The following WNT7A variants were observed in gnomAD, a reference collection of about 807,000 sequenced individuals.
WNT7A encodes the protein protein Wnt-7a.
In WNT7A, 16 loss-of-function variants were observed where a neutral mutation model predicts 28.2. The observed-to-expected ratio is 0.57, with a 90% CI of 0.38 to 0.86. The LOEUF is 0.86. Among genes scored for constraint, WNT7A ranks in the 40% least tolerant of loss-of-function variants. WNT7A has a pLI of 0.00. For synonymous variants in WNT7A, 190 were observed against 195.9 expected (o/e 0.97, Z 0.25); for missense variants, 411 against 489.7 (o/e 0.84, Z 1.52).
At chr3:13,829,678 G>T (rs1694247288) in intron 3 of WNT7A, among the ~76,000 whole-genome samples, 1 of 152,162 alleles carries the variant, frequency 6.6e-6, no homozygotes, top group African/African-American at 2.4e-5. Flanking sequence ...CAACACAGGG[G>T]GATCTCGGAG....
chr3:13,822,332 A>T (rs186738940), intron 3 of WNT7A, among the ~76,000 whole-genome samples: 6 of 152,396 alleles, frequency 3.9e-5, no homozygotes, highest in Admixed American at 3.3e-4. Context: ...TAACTCCCTC[A>T]ACTATTAATG....
chr3:13,878,762 T>G (rs1170121213), intron 1 of WNT7A, among the ~76,000 whole-genome samples: 1 of 152,120 alleles, frequency 6.6e-6, no homozygotes, highest in Admixed American at 6.5e-5. Context: ...GCAGGGTGTG[T>G]GAGACCTACC....
chr3:13,817,606 G>A lies in WNT7A; in HGVS notation c.*1338C>T, dbSNP rs1448468523. The A allele has an allele frequency of 6.6e-6, 1 of 152,356 alleles. No homozygotes were observed. The highest frequency in any genetic ancestry group is 6.5e-5 in the Admixed American group (1 of 15,284). 9.4% of individuals were successfully genotyped at this position (152,356 alleles called of 1,614,324 possible). ...ACCTCTCTCTGCTGCTTGGCCTTGG[G>A]AGCAGGATATCCAGGAAGCCCCGCT... On this transcript the variant is annotated 3_prime_UTR_variant, in exon 4 of 4. Transcript: ENST00000285018.
intron 2 of WNT7A, among the ~76,000 whole-genome samples, chr3:13,865,741 TG>T (rs892917639): frequency 6.6e-6 from 1 of 152,162 alleles, no homozygotes. Flanking sequence ...CTGGCCTGCC[TG>T]GGGGCCATAC....
intron 3 of WNT7A, among the ~76,000 whole-genome samples, chr3:13,821,987 G>A (rs1053670466): frequency 1.6e-4 from 24 of 152,232 alleles, no homozygotes; most frequent in African/African-American, 5.5e-4. Context: ...ACAAGCACAT[G>A]AGAAGATGTT....
chr3:13,876,038 G>C (rs1415004150), intron 1 of WNT7A: 1 of 152,274 alleles, frequency 6.6e-6, no homozygotes, highest in African/African-American at 2.4e-5. Flanking sequence ...GAAAGTAAAG[G>C]AAGATGCTGG....
In WNT7A at chr3:13,837,867, C is replaced by T. The variant is rs1019410434; in HGVS notation, c.570+16665G>A. On this transcript the variant is annotated intron_variant, in intron 3 of 3. Transcript: ENST00000285018. ...ATGAACTTCCCATCCCAGACAGGAG[C>T]TCCCTGAGACATGAGGAGCAGCTCT... Among the ~76,000 whole-genome samples, 3 of 152,192 alleles carry T rather than the reference C, an allele frequency of 2.0e-5. No homozygotes were observed. In the South Asian group the frequency reaches 6.2e-4, roughly 32 times the overall value.
At chr3:13,830,550 C>T (rs1241712779) in intron 3 of WNT7A, among the ~76,000 whole-genome samples, 1 of 152,184 alleles carries the variant, frequency 6.6e-6, no homozygotes, top group Non-Finnish European at 1.5e-5. Context: ...TGAGCTGTGT[C>T]CCTCCTTGCC....
At chr3:13,823,241 AT>A (rs1368719588) in intron 3 of WNT7A, among the ~76,000 whole-genome samples, 1 of 152,124 alleles carries the variant, frequency 6.6e-6, no homozygotes, top group Non-Finnish European at 1.5e-5. Flanking sequence ...GAGGGGACTT[AT>A]GAGCTCACCT....
Position 13,817,060 on chromosome 3 carries a change from A to G in WNT7A, c.*1884T>C, listed in dbSNP as rs796781671. The G allele has an allele frequency of 6.6e-6, 1 of 152,208 alleles. No homozygotes were observed. Among genetic ancestry groups the G allele is most frequent in the East Asian group, 1.9e-4 (1 of 5,184 alleles). 9.4% of individuals were successfully genotyped at this position (152,208 alleles called of 1,614,324 possible). Reference sequence around the variant, plus strand: ...CTGAGGAGTCAGACACAGCCTAGATACTGAAGGGCTCCCAGCAGGTGGGGC... The same window carrying G: ...CTGAGGAGTCAGACACAGCCTAGATGCTGAAGGGCTCCCAGCAGGTGGGGC... On this transcript the variant is annotated 3_prime_UTR_variant, in exon 4 of 4. Coordinates refer to ENST00000285018, the MANE Select transcript of WNT7A (RefSeq NM_004625.4).
chr3:13,848,811 T>G (rs989085829), intron 3 of WNT7A, among the ~76,000 whole-genome samples: 3 of 152,086 alleles, frequency 2.0e-5, no homozygotes, highest in African/African-American at 7.2e-5. Context: ...CACAGCAGCT[T>G]TATTTGTAAT....
At chr3:13,830,525 T>C (rs1405121679) in intron 3 of WNT7A, among the ~76,000 whole-genome samples, 1 of 152,158 alleles carries the variant, frequency 6.6e-6, no homozygotes, top group East Asian at 1.9e-4. Context: ...TCACCCCTGC[T>C]CTACCCTGGG....
intron 3 of WNT7A, among the ~76,000 whole-genome samples, chr3:13,829,007 T>C (rs1694238804): frequency 6.6e-6 from 1 of 152,212 alleles, no homozygotes; most frequent in Non-Finnish European, 1.5e-5. Flanking sequence ...GCTGCTGGCC[T>C]ACCTCTGACC....
intron 2 of WNT7A, among the ~76,000 whole-genome samples, chr3:13,869,906 G>A (rs537218624): frequency 1.6e-4 from 25 of 152,252 alleles, no homozygotes; most frequent in East Asian, 1.4e-3. Flanking sequence ...CTGAGCCACC[G>A]TCTCCTGAGG....
At chr3:13,866,741 T>C (rs959084849) in intron 2 of WNT7A, among the ~76,000 whole-genome samples, 7 of 152,084 alleles carry the variant, frequency 4.6e-5, no homozygotes, top group Admixed American at 4.6e-4. Flanking sequence ...GTGTGCGTTT[T>C]ATTCTCAGAA....
At chr3:13,862,094 T>C (rs1694840326) in intron 2 of WNT7A, among the ~76,000 whole-genome samples, 1 of 152,218 alleles carries the variant, frequency 6.6e-6, no homozygotes, top group Non-Finnish European at 1.5e-5. Context: ...GAGTCTCAGC[T>C]TCCCCATCTG....
intron 3 of WNT7A, among the ~76,000 whole-genome samples, chr3:13,853,846 C>T (rs1694681304): frequency 6.6e-6 from 1 of 152,202 alleles, no homozygotes; most frequent in South Asian, 2.1e-4. Flanking sequence ...GAGAGGGAAG[C>T]CACGTGTCCT....
chr3:13,853,484 CTCTGGG>C (rs1214104788), intron 3 of WNT7A, among the ~76,000 whole-genome samples: 1 of 152,208 alleles, frequency 6.6e-6, no homozygotes, highest in Non-Finnish European at 1.5e-5. Flanking sequence ...CTGCCCCTAC[CTCTGGG>C]TCTGTGTCCA....
chr3:13,851,127 G>A (rs544084797), intron 3 of WNT7A, among the ~76,000 whole-genome samples: 10 of 152,240 alleles, frequency 6.6e-5, no homozygotes, highest in East Asian at 5.8e-4. Flanking sequence ...CGTGCGCCCC[G>A]AGGCTCCTGC....
Sources: gnomAD v4.1 joint callset for allele counts (sites outside exome capture counted in the v4.1 genomes callset) on GRCh38, gnomAD v4.1.1 for gene constraint, MANE v1.5 for transcripts, NCBI Gene and HGNC (gene_info 2026-07-23, HGNC 2026-07-21) for gene names.